The following SYNE2 variants were observed in gnomAD, a reference collection of about 807,000 sequenced individuals.
The protein encoded by SYNE2 is nesprin-2.
SYNE2 carries 431 observed loss-of-function variants against 856.3 expected under a neutral mutation model. That is an observed-to-expected ratio of 0.50 (90% CI 0.47 to 0.55). The LOEUF is 0.55. Ranked by LOEUF, SYNE2 falls within the 20% of genes least tolerant of loss-of-function variation. The probability of loss-of-function intolerance (pLI) is 0.00; values close to 1 mark genes in which losing one functional copy is unlikely to be tolerated. For synonymous variants in SYNE2, 2,923 were observed against 2,872.3 expected (o/e 1.02, Z -0.56); for missense variants, 8,129 against 8,023.2 (o/e 1.01, Z -0.50).
intron 74 of SYNE2, among the ~76,000 whole-genome samples, chr14:64,129,229 C>T (rs909906332): frequency 6.6e-6 from 1 of 152,198 alleles, no homozygotes; most frequent in African/African-American, 2.4e-5. Flanking sequence ...ATTGCTTGAG[C>T]TTGGGGGGCG....
chr14:64,176,767 G>T (rs772556771), intron 95 of SYNE2, among the ~76,000 whole-genome samples: 2 of 151,470 alleles, frequency 1.3e-5, no homozygotes, highest in African/African-American at 2.4e-5. Flanking sequence ...GAGAGAGGAA[G>T]AACTTTTTTA....
intron 74 of SYNE2, among the ~76,000 whole-genome samples, chr14:64,129,319 A>AT (rs1383954978): frequency 6.6e-6 from 1 of 152,204 alleles, no homozygotes; most frequent in Non-Finnish European, 1.5e-5. Flanking sequence ...AAATAAATAA[A>AT]TAAATAAGTC....
chr14:64,045,601 C>G (rs2097180472), intron 45 of SYNE2, among the ~76,000 whole-genome samples: 1 of 152,128 alleles, frequency 6.6e-6, no homozygotes, highest in Admixed American at 6.6e-5. Context: ...TGGATCTTTC[C>G]CCTGTGAGAT....
At chr14:63,948,386 G>A (rs938185130) in intron 6 of SYNE2, among the ~76,000 whole-genome samples, 3 of 151,860 alleles carry the variant, frequency 2.0e-5, no homozygotes, top group African/African-American at 4.8e-5. Context: ...TGCTTAGGCC[G>A]GGTGCGGTGG....
At chr14:64,010,266 G>A in intron 32 of SYNE2, 150 bp downstream of exon 32, 1 of 872,654 alleles carries the variant, frequency 1.1e-6, no homozygotes, top group South Asian at 1.6e-5. Context: ...AAAATTTGTT[G>A]TATTCATCAC....
In SYNE2 at chr14:63,960,947, A is replaced by C. The variant is rs944627094; in HGVS notation, c.788-578A>C. 8.7e-5 allele frequency: 47 copies of C among 542,764 alleles called. No homozygotes were observed. The South Asian group carries it at 1.2e-3, about 14-fold the overall frequency. The allele number at this position is 542,764 out of a possible 1,614,324, so 33.6% of individuals were successfully genotyped here. A position where few individuals can be genotyped will look rare whatever the true frequency, so the allele number is the denominator to read the frequency against. ...AATTTTGTTTAATTCAGCATTTTAC[A>C]AACTTATTTCACCATGGACTCTTAA... On this transcript the variant is annotated intron_variant, in intron 8 of 115. Transcript: ENST00000555002.
Position 63,999,055 on chromosome 14 carries a change from T to C in SYNE2, c.3480+15T>C. 1 of 1,612,316 alleles carries C rather than the reference T, an allele frequency of 6.2e-7. No individual in the cohort carries two copies. Among genetic ancestry groups the C allele is most frequent in the East Asian group, 2.2e-5 (1 of 44,840 alleles). On this transcript the variant is annotated intron_variant, in intron 27 of 115. Transcript: ENST00000555002. ...CAGATCTACAGGTAATTACCAAAAA[T>C]ATTATTTCTCTGATTATCTTGTTTA... is the stretch of plus-strand genomic sequence containing the variant.
At chr14:64,100,543 T>TAG (rs2097718379) in intron 63 of SYNE2, among the ~76,000 whole-genome samples, 2 of 75,980 alleles carry the variant, frequency 2.6e-5, no homozygotes, top group East Asian at 7.7e-4. Flanking sequence ...TATATATATA[T>TAG]ATATATATAT....
chr14:63,971,487 C>T (rs569293220), intron 11 of SYNE2, among the ~76,000 whole-genome samples: 1 of 151,950 alleles, frequency 6.6e-6, no homozygotes. Flanking sequence ...GCAAATTGAT[C>T]CATCTCCCAT....
chr14:63,883,595 A>G (rs555766330), intron 1 of SYNE2, among the ~76,000 whole-genome samples: 3 of 152,216 alleles, frequency 2.0e-5, no homozygotes, highest in African/African-American at 7.2e-5. Flanking sequence ...GGCTCAAGCA[A>G]TCCTCCCACC....
chr14:63,774,846 G>A (rs1439175090), intron 1 of SYNE2, among the ~76,000 whole-genome samples: 1 of 152,114 alleles, frequency 6.6e-6, no homozygotes, highest in African/African-American at 2.4e-5. Context: ...GAAATGCAAG[G>A]CAGCATGTTA....
At chr14:64,065,335 T>C (rs2097350710) in intron 50 of SYNE2, 97 bp from the exon 51 acceptor site, 1 of 1,078,474 alleles carries the variant, frequency 9.3e-7, no homozygotes, top group Non-Finnish European at 1.4e-6. Context: ...TTATGGAAGA[T>C]TGAAATAATT....
chr14:64,173,854 A>G (rs2098421941), intron 94 of SYNE2: 6 of 633,880 alleles, frequency 9.5e-6, no homozygotes, highest in Non-Finnish European at 1.7e-5. Context: ...TAAAGTTTTT[A>G]CTTTATTTTT....
At chr14:63,826,719 A>C (rs1029857105) in intron 1 of SYNE2, among the ~76,000 whole-genome samples, 1 of 152,208 alleles carries the variant, frequency 6.6e-6, no homozygotes, top group Non-Finnish European at 1.5e-5. Context: ...AAAAACAGAT[A>C]ATCAATTTAT....
At chr14:63,944,581 T>C (rs2095990130) in intron 6 of SYNE2, among the ~76,000 whole-genome samples, 1 of 142,278 alleles carries the variant, frequency 7.0e-6, no homozygotes, top group Non-Finnish European at 1.5e-5. Context: ...TGGAGTGCAG[T>C]GGCAGGATCT....
At chr14:63,947,722 A>C (rs1479666774) in intron 6 of SYNE2, among the ~76,000 whole-genome samples, 1 of 152,150 alleles carries the variant, frequency 6.6e-6, no homozygotes, top group Non-Finnish European at 1.5e-5. Flanking sequence ...CTGTAATTCC[A>C]GCTACTCGAG....
chr14:63,976,819 T>A, intron 12 of SYNE2, 92 bp downstream of exon 12: 1 of 1,369,576 alleles, frequency 7.3e-7, no homozygotes, highest in Non-Finnish European at 1.0e-6. Context: ...AAGAGAAGGA[T>A]AATAGTGGAT....
At chr14:64,222,116 C>T (rs2098697185) in intron 112 of SYNE2, among the ~76,000 whole-genome samples, 1 of 152,120 alleles carries the variant, frequency 6.6e-6, no homozygotes, top group South Asian at 2.1e-4. Context: ...AGAGTCGTGT[C>T]CTGGTGTATT....
chr14:64,074,874 C>T (rs532052637), intron 53 of SYNE2, among the ~76,000 whole-genome samples: 12 of 78,206 alleles, frequency 1.5e-4, no homozygotes, highest in East Asian at 1.4e-3. Context: ...CAGCCTGGCT[C>T]CATCTCAAAA....
Sources: allele counts gnomAD v4.1 joint callset (sites outside exome capture counted in the v4.1 genomes callset), GRCh38; gene constraint gnomAD v4.1.1; transcripts MANE v1.5; gene names NCBI Gene and HGNC (gene_info 2026-07-23, HGNC 2026-07-21).